Variants in ADAMTS14 observed in about 807,000 individuals in gnomAD.
The protein encoded by ADAMTS14 is A disintegrin and metalloproteinase with thrombospondin motifs 14.
Under a neutral mutation model 128.6 loss-of-function variants are expected in ADAMTS14, and 100 were observed. That is an observed-to-expected ratio of 0.78 (90% CI 0.66 to 0.92). The LOEUF is 0.92. Ranked by LOEUF, ADAMTS14 falls within the 40% of genes least tolerant of loss-of-function variation. The probability of loss-of-function intolerance (pLI) is 0.00; values close to 1 mark genes in which losing one functional copy is unlikely to be tolerated. For synonymous variants in ADAMTS14, 665 were observed against 653.8 expected, an observed-to-expected ratio of 1.02 and a Z score of -0.26; for missense variants, 1,562 against 1,658.6, an observed-to-expected ratio of 0.94 and a Z score of 1.01.
chr10:70,713,321 G>A (rs1298173908), intron 4 of ADAMTS14, among the ~76,000 whole-genome samples: 4 of 150,694 alleles, frequency 2.7e-5, no homozygotes, highest in Non-Finnish European at 1.5e-5. Context: ...GCCCTCTGTG[G>A]GATGAGGTAT....
In ADAMTS14 at chr10:70,749,937, G is replaced by A. The variant is rs765351023; in HGVS notation, c.2379G>A (p.Lys793=). ...GGGAGGATGCGGTGGAGGATGCCAA[G>A]GAAAGCCTCAAGACCAGCGGGCCCC... ...LEWEDAVEDA[K]ESLKTSGPLP... Residue 793 remains lysine, a synonymous_variant, in exon 16 of 22, where the codon AAG becomes AAA. Coordinates refer to ENST00000373207, the MANE Select transcript of ADAMTS14 (RefSeq NM_080722.4). The A allele has an allele frequency of 2.5e-6, 4 of 1,614,016 alleles. No homozygotes were observed. Among genetic ancestry groups the A allele is most frequent in the Non-Finnish European group, 3.4e-6 (4 of 1,180,016 alleles).
intron 1 of ADAMTS14, among the ~76,000 whole-genome samples, chr10:70,673,854 T>C (rs559179622): frequency 1.3e-5 from 2 of 152,258 alleles, no homozygotes; most frequent in South Asian, 2.1e-4. Flanking sequence ...GCCTGGAGCA[T>C]GGGGCCATGA....
intron 18 of ADAMTS14, 69 bp downstream of exon 18, chr10:70,752,296 G>T: frequency 1.3e-6 from 2 of 1,578,222 alleles, no homozygotes; most frequent in Non-Finnish European, 1.7e-6. Flanking sequence ...CAGCGGGGCT[G>T]CTGAGCCTGC....
chr10:70,702,248 G>A (rs1367750485), intron 2 of ADAMTS14, 64 bp from the exon 3 acceptor site: 23 of 1,607,776 alleles, frequency 1.4e-5, no homozygotes, highest in Middle Eastern at 2.0e-4. Context: ...CTCGCCTGTC[G>A]GCTGTACTGT....
chr10:70,751,034 T>G (rs1238484573), intron 16 of ADAMTS14, among the ~76,000 whole-genome samples: 2 of 152,112 alleles, frequency 1.3e-5, no homozygotes, highest in African/African-American at 4.8e-5. Flanking sequence ...CAAAAGACAT[T>G]ATCAAGGAAA....
chr10:70,679,705 T>C (rs992875375), intron 2 of ADAMTS14, among the ~76,000 whole-genome samples: 1 of 152,250 alleles, frequency 6.6e-6, no homozygotes, highest in South Asian at 2.1e-4. Flanking sequence ...CTTCAGTGCC[T>C]CTGTGAGTCA....
intron 6 of ADAMTS14, among the ~76,000 whole-genome samples, chr10:70,731,825 C>A (rs561574355): frequency 1.3e-5 from 2 of 152,136 alleles, no homozygotes; most frequent in Non-Finnish European, 2.9e-5. Context: ...GGGTGGGTAG[C>A]GGGGTGTTGC....
At chr10:70,745,403 G>T in intron 15 of ADAMTS14, 97 bp downstream of exon 15, 9 of 1,271,700 alleles carry the variant, frequency 7.1e-6, no homozygotes, top group Non-Finnish European at 1.0e-5. Context: ...TCTAGTACAA[G>T]TGGAATTGTA....
At chr10:70,741,242 C>A (rs1841992024) in intron 12 of ADAMTS14, 80 bp downstream of exon 12, 1 of 1,490,146 alleles carries the variant, frequency 6.7e-7, no homozygotes, top group African/African-American at 1.4e-5. Flanking sequence ...GGGCCTCCTA[C>A]CCCTACATAC....
At position 70,749,863 on chromosome 10, in the gene ADAMTS14, A is replaced by G; in HGVS notation, c.2305A>G (p.Lys769Glu). The change falls in exon 16 of 22, where the codon AAG becomes GAG. Residue 769 changes from lysine to glutamate, a missense_variant. By Grantham distance (56) the Lys-to-Glu change is moderately conservative (BLOSUM62 1). Transcript: ENST00000373207. ...CACCGGCAGCTTCATCCTCAACCCC[A>G]AGGGCAAGGAAGCCACAAGCCGGAC... ...QVTGSFILNP[K>E]GKEATSRTFT... 1 of 1,614,058 alleles carries G rather than the reference A, an allele frequency of 6.2e-7. No individual in the cohort carries two copies. The highest frequency in any genetic ancestry group is 8.5e-7 in the Non-Finnish European group (1 of 1,180,018).
At chr10:70,675,499 G>A (rs985285124) in intron 2 of ADAMTS14, among the ~76,000 whole-genome samples, 4 of 152,136 alleles carry the variant, frequency 2.6e-5, no homozygotes, top group African/African-American at 4.8e-5. Context: ...TGCCTGGCTC[G>A]TGGCGTGGGC....
intron 4 of ADAMTS14, among the ~76,000 whole-genome samples, chr10:70,709,766 C>T (rs574078066): frequency 3.3e-5 from 5 of 152,298 alleles, no homozygotes; most frequent in African/African-American, 1.2e-4. Context: ...TCCCAAAGTG[C>T]TGGGATTACA....
At chr10:70,693,384 C>T (rs557670527) in intron 2 of ADAMTS14, among the ~76,000 whole-genome samples, 16 of 152,302 alleles carry the variant, frequency 1.1e-4, no homozygotes, top group East Asian at 1.9e-4. Flanking sequence ...ACTGATCCTG[C>T]GGGCTCCCCT....
At chr10:70,723,096 A>G (rs942309479) in intron 4 of ADAMTS14, among the ~76,000 whole-genome samples, 3 of 152,210 alleles carry the variant, frequency 2.0e-5, no homozygotes, top group African/African-American at 7.2e-5. Context: ...ACATGGCCTG[A>G]TGAGGAAGCA....
chr10:70,744,093 T>C lies in ADAMTS14; in HGVS notation c.2086T>C (p.Ser696Pro). 6.4e-7 allele frequency: 1 copy of C among 1,565,018 alleles called. No individual in the cohort carries two copies. Among genetic ancestry groups the C allele is most frequent in the Admixed American group, 1.9e-5 (1 of 52,922 alleles). ...VPVGCDKEVG[S>P]MKADDKCGVC... is the part of the protein sequence containing the mutation. The stretch of plus-strand genomic sequence containing the variant: ...TGTCGGCTGTGACAAGGAGGTGGGG[T>C]CCATGAAGGCGGATGACAAGTGTGG... Residue 696 changes from serine (S) to proline (P), a missense_variant, in exon 14 of 22, where the codon TCC (serine) becomes CCC (proline). Ser to Pro is a moderately conservative substitution (Grantham distance 74). Transcript: ENST00000373207.
At chr10:70,733,810 G>GGCCTGCCTGCCT in intron 7 of ADAMTS14, 75 bp from the exon 8 acceptor site, 1 of 1,544,732 alleles carries the variant, frequency 6.5e-7, no homozygotes, top group South Asian at 1.2e-5. Context: ...TCCTGCTGCT[G>GGCCTGCCTGCCT]GCCTGCCTGC....
chr10:70,709,775 C>T (rs533068815), intron 4 of ADAMTS14, among the ~76,000 whole-genome samples: 3 of 152,330 alleles, frequency 2.0e-5, no homozygotes, highest in South Asian at 4.1e-4. Context: ...GCTGGGATTA[C>T]AGGCGTGAGC....
At chr10:70,757,894 C>T (rs1053316652) in intron 19 of ADAMTS14, 68 bp from the exon 20 acceptor site, 23 of 1,523,156 alleles carry the variant, frequency 1.5e-5, no homozygotes, top group Non-Finnish European at 2.0e-5. Flanking sequence ...AGCTCACTGA[C>T]TCGTCTTTCT....
At chr10:70,749,108 C>T (rs746227479) in intron 15 of ADAMTS14, among the ~76,000 whole-genome samples, 2 of 152,230 alleles carry the variant, frequency 1.3e-5, no homozygotes, top group Non-Finnish European at 2.9e-5. Flanking sequence ...GATAAGCCAA[C>T]AGGCCGCTGG....
Sources: gnomAD v4.1 joint callset for allele counts (sites outside exome capture counted in the v4.1 genomes callset) on GRCh38, gnomAD v4.1.1 for gene constraint, MANE v1.5 for transcripts, NCBI Gene and HGNC (gene_info 2026-07-23, HGNC 2026-07-21) for gene names.